The following PCDHA5 variants were observed in gnomAD, a reference collection of about 807,000 sequenced individuals.
PCDHA5 encodes the protein protocadherin alpha-5.
A neutral mutation model predicts 61.6 loss-of-function variants in PCDHA5; 43 were observed. The observed-to-expected ratio is 0.70, with a 90% CI of 0.55 to 0.90. PCDHA5 has a LOEUF of 0.90. Ranked by LOEUF, PCDHA5 falls within the 40% of genes least tolerant of loss-of-function variation. The pLI, the probability that PCDHA5 is intolerant of heterozygous loss-of-function variation, is 0.00. For missense variants in PCDHA5, 1,298 were observed against 1,222.7 expected, an observed-to-expected ratio of 1.06 and a Z score of -0.92; for synonymous variants, 627 against 543.9, an observed-to-expected ratio of 1.15 and a Z score of -2.13.
rs781991042 is a variant in PCDHA5, at chr5:140,968,933, A to G, written c.2353-10016A>G. ...AGTGTCTTTTATATTTCTTTTGACA[A>G]TCATCATTTTGAGCATCATCAAGTG... On this transcript the variant is annotated intron_variant, in intron 1 of 3. Transcript: ENST00000529859. 77 of 1,614,052 alleles carry G rather than the reference A, an allele frequency of 4.8e-5. No individual in the cohort carries two copies. Among genetic ancestry groups the G allele is most frequent in the Non-Finnish European group, 6.0e-5 (71 of 1,180,034 alleles).
intron 1 of PCDHA5, chr5:140,929,032 T>C (rs781951889): frequency 1.9e-6 from 3 of 1,614,236 alleles, no homozygotes; most frequent in East Asian, 2.2e-5. Flanking sequence ...CCCAGGCTGT[T>C]GCGCTCAGAG....
intron 1 of PCDHA5, among the ~76,000 whole-genome samples, chr5:140,946,570 C>G (rs1488950892): frequency 7.2e-6 from 1 of 138,492 alleles, no homozygotes; most frequent in Non-Finnish European, 1.5e-5. Context: ...ATAGAATCAA[C>G]TTAGGTGTTC....
intron 1 of PCDHA5, among the ~76,000 whole-genome samples, chr5:140,975,044 G>A (rs115613317): frequency 0.045 from 6,815 of 152,244 alleles, 210 homozygotes; most frequent in Non-Finnish European, 0.062. Flanking sequence ...AGGCTCTTAG[G>A]AAGAATCTAC....
chr5:140,999,877 G>A (rs1194481133), intron 3 of PCDHA5, among the ~76,000 whole-genome samples: 1 of 152,152 alleles, frequency 6.6e-6, no homozygotes, highest in Admixed American at 6.5e-5. Flanking sequence ...CTGAAAATTA[G>A]CCCAGCTGTA....
At chr5:140,944,724 C>G (rs246064) in intron 1 of PCDHA5, among the ~76,000 whole-genome samples, 85,713 of 151,920 alleles carry the variant, frequency 0.56, 24,798 homozygotes, top group African/African-American at 0.69. Flanking sequence ...CTTTGAACAC[C>G]TTAGTAAGTC....
intron 1 of PCDHA5, among the ~76,000 whole-genome samples, chr5:140,919,974 TAG>T (rs2153555647): frequency 7.5e-6 from 1 of 134,116 alleles, no homozygotes; most frequent in African/African-American, 2.6e-5. Context: ...AAATAAGAGA[TAG>T]AAGATGGAAA....
At chr5:140,916,377 C>T (rs1436518298) in intron 1 of PCDHA5, among the ~76,000 whole-genome samples, 4 of 152,092 alleles carry the variant, frequency 2.6e-5, no homozygotes, top group African/African-American at 9.7e-5. Flanking sequence ...CTGTAGCCAC[C>T]ACAACTAGGA....
intron 3 of PCDHA5, among the ~76,000 whole-genome samples, chr5:141,007,447 A>T (rs2153992021): frequency 6.6e-6 from 1 of 151,258 alleles, no homozygotes; most frequent in South Asian, 2.1e-4. Flanking sequence ...ATGTGCCTGT[A>T]GTCCCAGCTA....
intron 1 of PCDHA5, chr5:140,835,711 T>A: frequency 6.2e-7 from 1 of 1,613,776 alleles, no homozygotes; most frequent in Non-Finnish European, 8.5e-7. Context: ...AGCGTGTCCG[T>A]GGAGGTGGCC....
intron 1 of PCDHA5, chr5:140,851,223 A>G (rs1230955113): frequency 8.7e-7 from 1 of 1,147,336 alleles, no homozygotes; most frequent in Non-Finnish European, 1.1e-6. Flanking sequence ...TAACATCACT[A>G]TCATTTATTT....
At chr5:140,832,339 T>C (rs2150201116) in intron 1 of PCDHA5, among the ~76,000 whole-genome samples, 1 of 152,330 alleles carries the variant, frequency 6.6e-6, no homozygotes, top group Admixed American at 6.5e-5. Context: ...GACTGAGTTG[T>C]GGTTTGTGTT....
chr5:140,835,890 G>A (rs147416989), intron 1 of PCDHA5: 18 of 1,611,850 alleles, frequency 1.1e-5, no homozygotes, highest in Non-Finnish European at 1.4e-5. Context: ...GGGCGAGCGC[G>A]CGCTGTCGAG....
At chr5:140,971,419 G>A (rs1554233321) in intron 1 of PCDHA5, among the ~76,000 whole-genome samples, 1 of 152,140 alleles carries the variant, frequency 6.6e-6, no homozygotes. Context: ...TGGAAATCCA[G>A]TGAAGAACCC....
chr5:140,985,716 A>G (rs960879186), intron 3 of PCDHA5, among the ~76,000 whole-genome samples: 7 of 113,758 alleles, frequency 6.2e-5, no homozygotes, highest in Admixed American at 2.6e-4. Flanking sequence ...TCTTAAAGTT[A>G]TTTTTCCTTC....
chr5:140,953,100 A>G (rs1343351624), intron 1 of PCDHA5, among the ~76,000 whole-genome samples: 1 of 152,162 alleles, frequency 6.6e-6, no homozygotes, highest in Admixed American at 6.5e-5. Flanking sequence ...TTGACATGAG[A>G]TTTGGGCAGG....
At chr5:140,883,986 C>T in intron 1 of PCDHA5, 1 of 1,612,808 alleles carries the variant, frequency 6.2e-7, no homozygotes, top group Non-Finnish European at 8.5e-7. Flanking sequence ...GCTGGCAGCG[C>T]GGGAGGCACA....
intron 1 of PCDHA5, among the ~76,000 whole-genome samples, chr5:140,960,361 T>C (rs1262686301): frequency 2.6e-5 from 4 of 152,194 alleles, no homozygotes; most frequent in Non-Finnish European, 4.4e-5. Context: ...TGAAATAATA[T>C]GCCAACTCTT....
In PCDHA5 at chr5:140,843,731, T is replaced by C. The variant is rs1331325301; in HGVS notation, c.2352+19604T>C. 3.9e-6 allele frequency: 6 copies of C among 1,551,218 alleles called. 1 individual carries two copies. The highest frequency in any genetic ancestry group is 5.3e-6 in the Non-Finnish European group (6 of 1,131,064). On this transcript the variant is annotated intron_variant, in intron 1 of 3. Transcript: ENST00000529859. ...TGGCCTCAAAGTAAGTCCATTTAAA[T>C]TTAGAACTCATAAATTCTATTTGTG...
chr5:140,942,435 A>G (rs1258382123), intron 1 of PCDHA5, among the ~76,000 whole-genome samples: 2 of 152,114 alleles, frequency 1.3e-5, no homozygotes, highest in East Asian at 3.9e-4. Flanking sequence ...ATCTAACAAT[A>G]AACAAGTAAA....
Sources: gnomAD v4.1 joint callset for allele counts (sites outside exome capture counted in the v4.1 genomes callset) on GRCh38, gnomAD v4.1.1 for gene constraint, MANE v1.5 for transcripts, NCBI Gene and HGNC (gene_info 2026-07-23, HGNC 2026-07-21) for gene names.